Variants in LRFN5 observed in about 807,000 individuals in gnomAD.
LRFN5 encodes the protein leucine-rich repeat and fibronectin type-III domain-containing protein 5.
In LRFN5, 24 loss-of-function variants were observed where a neutral mutation model predicts 45.6. The ratio of observed to expected loss-of-function variants is 0.53; its 90% CI spans 0.38 to 0.74. The LOEUF (loss-of-function observed/expected upper bound fraction) is 0.74. Ranked by LOEUF, LRFN5 falls within the 30% of genes least tolerant of loss-of-function variation. LRFN5 has a pLI of 0.00. For missense variants in LRFN5, 776 were observed against 861.5 expected (o/e 0.90, Z 1.24); for synonymous variants, 340 against 313.8 (o/e 1.08, Z -0.88).
chr14:41,755,572 A>T (rs560289924), intron 1 of LRFN5, among the ~76,000 whole-genome samples: 4,040 of 152,128 alleles, frequency 0.027, 182 homozygotes, highest in African/African-American at 0.092. Context: ...GTTTTATCAG[A>T]GACTAGGATT....
chr14:41,617,426 G>A (rs569096417), intron 1 of LRFN5, among the ~76,000 whole-genome samples: 23 of 152,240 alleles, frequency 1.5e-4, no homozygotes, highest in African/African-American at 5.5e-4. Context: ...AGGATGCTCT[G>A]TTGGCTACAC....
intron 1 of LRFN5, among the ~76,000 whole-genome samples, chr14:41,634,740 G>T (rs1888672184): frequency 6.6e-6 from 1 of 152,056 alleles, no homozygotes; most frequent in South Asian, 2.1e-4. Context: ...TAGGGTTTGG[G>T]TCTGTTTTAA....
At position 41,862,357 on chromosome 14, in the gene LRFN5, C is replaced by T. The variant is rs140612677; in HGVS notation, c.-20-24249C>T. Among the ~76,000 whole-genome samples the T allele has an allele frequency of 1.4e-4, 21 of 152,170 alleles. No individual in the cohort carries two copies. The East Asian group carries it at 2.9e-3, about 21-fold the overall frequency. Reference sequence around the variant, plus strand: ...CCAGTACTTTATGTGATTTTATTTACCTAGTGTTACTCTTGTGACATTCAT... The same window carrying T: ...CCAGTACTTTATGTGATTTTATTTATCTAGTGTTACTCTTGTGACATTCAT... On this transcript the variant is annotated intron_variant, in intron 2 of 5. Transcript: ENST00000298119.
chr14:41,675,410 G>C (rs889564840), intron 1 of LRFN5, among the ~76,000 whole-genome samples: 1 of 152,238 alleles, frequency 6.6e-6, no homozygotes, highest in Non-Finnish European at 1.5e-5. Context: ...AGACCAGCCC[G>C]GCCAACACAG....
chr14:41,895,956 T>G (rs1032532388), intron 4 of LRFN5, among the ~76,000 whole-genome samples: 4 of 152,256 alleles, frequency 2.6e-5, no homozygotes, highest in Middle Eastern at 3.4e-3. Context: ...GACATCTTTT[T>G]CTTTTAGTTT....
At chr14:41,842,320 G>A (rs1295128653) in intron 2 of LRFN5, among the ~76,000 whole-genome samples, 1 of 152,040 alleles carries the variant, frequency 6.6e-6, no homozygotes, top group Non-Finnish European at 1.5e-5. Flanking sequence ...ACAGTGACAA[G>A]CATCATTGTA....
chr14:41,872,631 C>T (rs1303687201), intron 2 of LRFN5, among the ~76,000 whole-genome samples: 2 of 152,134 alleles, frequency 1.3e-5, no homozygotes, highest in African/African-American at 2.4e-5. Flanking sequence ...ACATTATATT[C>T]GAACTGTAAT....
chr14:41,808,182 A>T (rs862534), intron 2 of LRFN5, among the ~76,000 whole-genome samples: 6 of 137,806 alleles, frequency 4.4e-5, no homozygotes, highest in Non-Finnish European at 7.8e-5. Context: ...GGAGGGAGGA[A>T]GAAGAGGAAG....
At chr14:41,641,230 G>T (rs909201009) in intron 1 of LRFN5, among the ~76,000 whole-genome samples, 1 of 152,006 alleles carries the variant, frequency 6.6e-6, no homozygotes, top group Non-Finnish European at 1.5e-5. Context: ...AGGTCTAAAA[G>T]GACATTGGAT....
intron 2 of LRFN5, among the ~76,000 whole-genome samples, chr14:41,847,142 T>G (rs1047057642): frequency 3.9e-5 from 6 of 152,070 alleles, no homozygotes; most frequent in Admixed American, 6.6e-5. Flanking sequence ...GTAATTATTT[T>G]TTTTTAGAGC....
intron 1 of LRFN5, among the ~76,000 whole-genome samples, chr14:41,713,991 G>A (rs1168902463): frequency 5.9e-5 from 9 of 152,112 alleles, no homozygotes; most frequent in East Asian, 1.9e-4. Context: ...ATATGTAAAT[G>A]GAGTTGTATT....
intron 1 of LRFN5, among the ~76,000 whole-genome samples, chr14:41,724,574 T>C (rs962718323): frequency 1.3e-5 from 2 of 152,172 alleles, no homozygotes; most frequent in African/African-American, 2.4e-5. Flanking sequence ...TAATTAAAAC[T>C]ACAAGGCCAT....
intron 2 of LRFN5, among the ~76,000 whole-genome samples, chr14:41,778,746 GAACT>G (rs1161477104): frequency 6.6e-6 from 1 of 151,688 alleles, no homozygotes; most frequent in Non-Finnish European, 1.5e-5. Context: ...GTTGTATAAT[GAACT>G]AAGCTACGTA....
intron 2 of LRFN5, among the ~76,000 whole-genome samples, chr14:41,869,192 C>A (rs1474265119): frequency 6.6e-6 from 1 of 152,072 alleles, no homozygotes; most frequent in African/African-American, 2.4e-5. Context: ...TCTGAGTGGG[C>A]AACTTGGTTG....
chr14:41,798,516 G>A (rs371454602), intron 2 of LRFN5, among the ~76,000 whole-genome samples: 3 of 151,906 alleles, frequency 2.0e-5, no homozygotes, highest in East Asian at 1.9e-4. Context: ...CTGCTCTTAC[G>A]TAGTTTACCA....
chr14:41,818,676 A>G (rs1183103644), intron 2 of LRFN5, among the ~76,000 whole-genome samples: 6 of 152,096 alleles, frequency 3.9e-5, no homozygotes, highest in Admixed American at 2.0e-4. Context: ...ATGTGTTGGA[A>G]TAGCTACTGT....
chr14:41,781,397 C>T (rs1377415100), intron 2 of LRFN5, among the ~76,000 whole-genome samples: 2 of 151,300 alleles, frequency 1.3e-5, no homozygotes, highest in African/African-American at 2.4e-5. Context: ...ACTAGGGAGG[C>T]TGATCTGGTA....
At chr14:41,697,736 G>T (rs554386664) in intron 1 of LRFN5, among the ~76,000 whole-genome samples, 1 of 149,210 alleles carries the variant, frequency 6.7e-6, no homozygotes, top group African/African-American at 2.5e-5. Flanking sequence ...CTTAAGATAT[G>T]ACTATTACAA....
chr14:41,674,330 C>T (rs1236123731), intron 1 of LRFN5, among the ~76,000 whole-genome samples: 31 of 109,576 alleles, frequency 2.8e-4, no homozygotes, highest in African/African-American at 7.3e-4. Context: ...GGCGGGGGGC[C>T]GACCCCCCCA....
Sources: gnomAD v4.1 joint callset for allele counts (sites outside exome capture counted in the v4.1 genomes callset) on GRCh38, gnomAD v4.1.1 for gene constraint, MANE v1.5 for transcripts, NCBI Gene and HGNC (gene_info 2026-07-23, HGNC 2026-07-21) for gene names.